Variants in PLAA observed in about 807,000 individuals in gnomAD.
PLAA encodes the protein phospholipase A-2-activating protein.
A neutral mutation model predicts 84.1 loss-of-function variants in PLAA; 48 were observed. The ratio of observed to expected loss-of-function variants is 0.57; its 90% CI spans 0.45 to 0.73. The LOEUF is 0.73. PLAA is among the 30% of genes least tolerant of loss of function. PLAA has a pLI of 0.00. For missense variants in PLAA, 903 were observed against 954.7 expected (o/e 0.95, Z 0.71); for synonymous variants, 392 against 336.6 (o/e 1.16, Z -1.80).
chr9:26,906,023 C>T lies in PLAA; in HGVS notation c.1876G>A (p.Val626Met), dbSNP rs768433685. ...ILRLSIKHPSVNENFCNEKEG... is the reference protein window; with the variant it reads ...ILRLSIKHPSMNENFCNEKEG... ...TTTTCATTGCAGAAGTTCTCATTCA[C>T]ACTGGGGTGTTTAATTGACAACCGA... Residue 626 changes from valine to methionine, a missense_variant, in exon 14 of 14, where the codon GTG (valine) becomes ATG (methionine). Val to Met is a conservative substitution (Grantham distance 21). Transcript: ENST00000397292. The T allele has an allele frequency of 6.2e-7, 1 of 1,604,128 alleles. No homozygotes were observed. Among genetic ancestry groups the T allele is most frequent in the Non-Finnish European group, 8.5e-7 (1 of 1,174,170 alleles).
intron 10 of PLAA, chr9:26,915,895 T>C (rs1001620380): frequency 7.1e-6 from 7 of 985,426 alleles, no homozygotes; most frequent in Non-Finnish European, 8.4e-6. Flanking sequence ...GGTATTAAGT[T>C]TCAGGGCATC....
At chr9:26,924,754 T>A (rs947917877) in intron 6 of PLAA, among the ~76,000 whole-genome samples, 2 of 152,224 alleles carry the variant, frequency 1.3e-5, no homozygotes, top group African/African-American at 2.4e-5. Context: ...TCTCTACTAA[T>A]GGTATATCAT....
intron 2 of PLAA, 47 bp from the exon 3 acceptor site, chr9:26,928,455 G>A: frequency 7.8e-7 from 1 of 1,275,478 alleles, no homozygotes; most frequent in Non-Finnish European, 1.1e-6. Flanking sequence ...ACAGAAAAAT[G>A]CTCAACATTG....
intron 1 of PLAA, among the ~76,000 whole-genome samples, chr9:26,940,989 C>G (rs908155562): frequency 6.6e-6 from 1 of 152,096 alleles, no homozygotes; most frequent in Admixed American, 6.5e-5. Flanking sequence ...CTTAACACTT[C>G]AAAGCATAGA....
At chr9:26,946,756 C>T in intron 1 of PLAA, 141 bp downstream of exon 1, 1 of 1,008,992 alleles carries the variant, frequency 9.9e-7, no homozygotes, top group Non-Finnish European at 1.4e-6. Context: ...TTCTAATAGT[C>T]TGAGAATTGG....
rs1447266752 is a variant in PLAA at position 26,947,037 on chromosome 9, G to A, written c.9C>T (p.Ser3=). The A allele has an allele frequency of 1.9e-6, 3 of 1,581,982 alleles. No individual in the cohort carries two copies. Among genetic ancestry groups the A allele is most frequent in the African/African-American group, 1.3e-5 (1 of 74,466 alleles). ...AGCTCAGCCGGTACCTGGTTGCGCC[G>A]CTCGTCATGGCCAGTGTCTGTCTGG... The part of the protein sequence containing the change: MT[S]GATRYRLSCS... The change falls in exon 1 of 14, where the codon AGC becomes AGT. Residue 3 remains serine, a synonymous_variant. Transcript: ENST00000397292.
At chr9:26,906,296 T>C in intron 13 of PLAA, among the ~76,000 whole-genome samples, 1 of 152,146 alleles carries the variant, frequency 6.6e-6, no homozygotes, top group East Asian at 1.9e-4. Context: ...CATATTCGCT[T>C]TAAAAATAAG....
At chr9:26,918,804 T>C (rs1360185813) in intron 9 of PLAA, among the ~76,000 whole-genome samples, 1 of 152,166 alleles carries the variant, frequency 6.6e-6, no homozygotes, top group Non-Finnish European at 1.5e-5. Context: ...ACCATTAGGA[T>C]TACAATTTAC....
chr9:26,938,581 T>C (rs1041501750), intron 1 of PLAA, among the ~76,000 whole-genome samples: 1 of 140,332 alleles, frequency 7.1e-6, no homozygotes, highest in African/African-American at 2.7e-5. Flanking sequence ...AAAAAAATGG[T>C]GAGGGAGTTT....
intron 1 of PLAA, among the ~76,000 whole-genome samples, chr9:26,946,112 T>C (rs930739982): frequency 3.3e-5 from 5 of 152,186 alleles, no homozygotes; most frequent in Non-Finnish European, 7.3e-5. Context: ...CTAAAATCTC[T>C]AGCAGTGGGA....
chr9:26,927,060 T>G (rs1824993836), intron 4 of PLAA, among the ~76,000 whole-genome samples: 1 of 151,892 alleles, frequency 6.6e-6, no homozygotes, highest in African/African-American at 2.4e-5. Flanking sequence ...GACTATATAC[T>G]GAAGCAGAAA....
rs12348209 is a variant in PLAA at position 26,932,789 on chromosome 9, T to G, written c.343+2224A>C. Among the ~76,000 whole-genome samples the G allele has an allele frequency of 8.8e-3, 1,344 of 152,356 alleles. 16 individuals are homozygous for G. Among genetic ancestry groups the G allele is most frequent in the African/African-American group, 0.03 (1,262 of 41,582 alleles). On this transcript the variant is annotated intron_variant, in intron 2 of 13. Coordinates refer to ENST00000397292, the MANE Select transcript of PLAA (RefSeq NM_001031689.3). The stretch of plus-strand genomic sequence containing the variant: ...TTTAAAAATCTGTATCCCTCTGTAT[T>G]GAAGACTTCTCACACAAACACACAT...
chr9:26,934,421 A>T (rs1825288353), intron 2 of PLAA, among the ~76,000 whole-genome samples: 1 of 151,984 alleles, frequency 6.6e-6, no homozygotes, highest in Non-Finnish European at 1.5e-5. Context: ...GTTAAAAACC[A>T]GACTCATGAA....
chr9:26,909,158 A>G (rs2131365381), intron 12 of PLAA, among the ~76,000 whole-genome samples: 1 of 152,276 alleles, frequency 6.6e-6, no homozygotes, highest in Non-Finnish European at 1.5e-5. Context: ...AAAAAGTCCA[A>G]ATTCCGATAA....
intron 2 of PLAA, among the ~76,000 whole-genome samples, chr9:26,932,753 C>A (rs750917417): frequency 6.6e-6 from 1 of 152,166 alleles, no homozygotes; most frequent in Non-Finnish European, 1.5e-5. Context: ...CATTTGATTT[C>A]TATATAAAAT....
chr9:26,916,352 T>A (rs1448620722), intron 10 of PLAA: 1 of 986,892 alleles, frequency 1.0e-6, no homozygotes, highest in East Asian at 1.1e-4. Flanking sequence ...TCAAAAGCCA[T>A]TCTGAAAATA....
At chr9:26,944,144 T>C (rs529738078) in intron 1 of PLAA, among the ~76,000 whole-genome samples, 6 of 152,280 alleles carry the variant, frequency 3.9e-5, no homozygotes, top group Admixed American at 1.3e-4. Flanking sequence ...AGAGTGGCTT[T>C]GTTACAAAAG....
At chr9:26,929,760 G>A (rs1825109170) in intron 2 of PLAA, among the ~76,000 whole-genome samples, 1 of 152,134 alleles carries the variant, frequency 6.6e-6, no homozygotes, top group African/African-American at 2.4e-5. Flanking sequence ...ATTGGGTATG[G>A]TTGACAGCTT....
intron 12 of PLAA, among the ~76,000 whole-genome samples, chr9:26,910,133 T>C (rs1418911903): frequency 1.3e-5 from 2 of 152,206 alleles, no homozygotes; most frequent in African/African-American, 2.4e-5. Context: ...TTACTTACTT[T>C]ATGTTTGTGT....
Sources: allele counts gnomAD v4.1 joint callset (sites outside exome capture counted in the v4.1 genomes callset), GRCh38; gene constraint gnomAD v4.1.1; transcripts MANE v1.5; gene names NCBI Gene and HGNC (gene_info 2026-07-23, HGNC 2026-07-21).